Variants in NRCAM observed in about 807,000 individuals in gnomAD.
NRCAM encodes neuronal cell adhesion molecule, also known as NgCAM-related cell adhesion molecule.
A neutral mutation model predicts 156.5 loss-of-function variants in NRCAM; 83 were observed. The observed-to-expected ratio is 0.53, with a 90% CI of 0.44 to 0.64. The LOEUF is 0.64. Ranked by LOEUF, NRCAM falls within the 30% of genes least tolerant of loss-of-function variation. NRCAM has a pLI of 0.00. For synonymous variants in NRCAM, 538 were observed against 563.9 expected, an observed-to-expected ratio of 0.95 and a Z score of 0.65; for missense variants, 1,417 against 1,597.3, an observed-to-expected ratio of 0.89 and a Z score of 1.92.
In NRCAM at chr7:108,256,842, C is replaced by G. The variant is rs531977314; in HGVS notation, c.-106-16672G>C. On this transcript the variant is annotated intron_variant, in intron 3 of 32. Coordinates refer to ENST00000379028, the MANE Select transcript of NRCAM (RefSeq NM_001037132.4). Reference sequence around the variant, plus strand: ...ACCAGCCTGGCCAACACGGCAGAACCCAGTCTCTACTAAAAATACAGCCAG... The same window carrying G: ...ACCAGCCTGGCCAACACGGCAGAACGCAGTCTCTACTAAAAATACAGCCAG... Among the ~76,000 whole-genome samples, 10 of 151,742 alleles carry G rather than the reference C, an allele frequency of 6.6e-5. No homozygotes were observed. The South Asian group carries it at 2.1e-3, about 32-fold the overall frequency.
intron 4 of NRCAM, among the ~76,000 whole-genome samples, chr7:108,239,548 G>C (rs765356467): frequency 1.3e-5 from 2 of 152,112 alleles, no homozygotes; most frequent in Non-Finnish European, 1.5e-5. Flanking sequence ...GCATATGACG[G>C]GAAAGAGTAA....
chr7:108,425,208 G>T (rs1437280330), intron 1 of NRCAM, among the ~76,000 whole-genome samples: 2 of 152,104 alleles, frequency 1.3e-5, no homozygotes, highest in African/African-American at 4.8e-5. Context: ...ATATTAGTAA[G>T]ATTATAAGAA....
intron 1 of NRCAM, among the ~76,000 whole-genome samples, chr7:108,455,948 G>T (rs773457758): frequency 2.0e-5 from 3 of 152,212 alleles, no homozygotes; most frequent in Non-Finnish European, 2.9e-5. Flanking sequence ...GTTGGCCACA[G>T]GCTGGAGGGG....
At chr7:108,265,376 CTG>C (rs1437545723) in intron 3 of NRCAM, among the ~76,000 whole-genome samples, 1 of 152,192 alleles carries the variant, frequency 6.6e-6, no homozygotes, top group Non-Finnish European at 1.5e-5. Flanking sequence ...CAATGTCCCT[CTG>C]TGAGACATAG....
At chr7:108,386,449 C>A (rs1002572421) in intron 2 of NRCAM, among the ~76,000 whole-genome samples, 1 of 152,180 alleles carries the variant, frequency 6.6e-6, no homozygotes, top group Non-Finnish European at 1.5e-5. Context: ...AAGTTGCAGA[C>A]TTCCTGTTGT....
intron 2 of NRCAM, among the ~76,000 whole-genome samples, chr7:108,368,235 C>CCG (rs2099605703): frequency 1.1e-5 from 1 of 95,132 alleles, no homozygotes; most frequent in Admixed American, 1.3e-4. Context: ...CCCCCCCCCA[C>CCG]CCCCCCGCCT....
At position 108,299,149 on chromosome 7, in the gene NRCAM, T is replaced by C. The variant is rs1434637669; in HGVS notation, c.-107+13516A>G. Among the ~76,000 whole-genome samples, 5 of 80,174 alleles carry C rather than the reference T, an allele frequency of 6.2e-5. No individual in the cohort carries two copies. The East Asian group carries it at 2.0e-3, about 32-fold the overall frequency. 52.6% of individuals were successfully genotyped at this position (80,174 alleles called of 152,430 possible). On this transcript the variant is annotated intron_variant, in intron 3 of 32. Transcript: ENST00000379028. Reference sequence around the variant, plus strand: ...AAGAAAGAAAGAAAGAAAAGAAAAGTAAAAAAAAAAAAAACCCAAAACACT... The same window carrying C: ...AAGAAAGAAAGAAAGAAAAGAAAAGCAAAAAAAAAAAAAACCCAAAACACT...
Position 108,182,690 on chromosome 7 carries a change from C to T in NRCAM, c.2530+5G>A. Reference sequence around the variant, plus strand: ...TGGGGAAAAGTAGGAAATGGCATCACTTACGGTCTTCTCCAGAATGTCCCA... The same window carrying T: ...TGGGGAAAAGTAGGAAATGGCATCATTTACGGTCTTCTCCAGAATGTCCCA... On this transcript the variant is annotated splice_donor_5th_base_variant and intron_variant, in intron 23 of 32. Transcript: ENST00000379028. The T allele has an allele frequency of 6.2e-7, 1 of 1,613,440 alleles. No homozygotes were observed. Among genetic ancestry groups the T allele is most frequent in the Non-Finnish European group, 8.5e-7 (1 of 1,179,412 alleles).
intron 2 of NRCAM, among the ~76,000 whole-genome samples, chr7:108,366,570 CT>C (rs3216491): frequency 0.18 from 27,509 of 152,114 alleles, 3,364 homozygotes; most frequent in East Asian, 0.45. Flanking sequence ...CCAAGTTTTG[CT>C]TTCCCCACCT....
chr7:108,281,287 C>G (rs2154089886), intron 3 of NRCAM, among the ~76,000 whole-genome samples: 1 of 152,106 alleles, frequency 6.6e-6, no homozygotes, highest in East Asian at 1.9e-4. Flanking sequence ...TTTATAAATG[C>G]CTTTACTTTT....
chr7:108,241,295 A>G (rs1378984913), intron 3 of NRCAM, among the ~76,000 whole-genome samples: 1 of 152,182 alleles, frequency 6.6e-6, no homozygotes, highest in Non-Finnish European at 1.5e-5. Flanking sequence ...TGCCTTGCAT[A>G]TTGGAAGTGT....
intron 22 of NRCAM, among the ~76,000 whole-genome samples, chr7:108,183,846 A>G (rs553360145): frequency 7.0e-4 from 106 of 152,242 alleles, no homozygotes; most frequent in Middle Eastern, 6.8e-3. Flanking sequence ...GTTCTTTATG[A>G]TAACACTAGC....
chr7:108,183,535 G>C (rs1297131206), intron 22 of NRCAM, among the ~76,000 whole-genome samples: 1 of 149,984 alleles, frequency 6.7e-6, no homozygotes, highest in Admixed American at 6.6e-5. Flanking sequence ...CTTCCAGGTG[G>C]CTCTTTTTTT....
chr7:108,166,888 C>G, intron 30 of NRCAM, 33 bp downstream of exon 30: 2 of 1,605,986 alleles, frequency 1.2e-6, no homozygotes, highest in Non-Finnish European at 1.7e-6. Flanking sequence ...CACCTCTGAG[C>G]GGGAGCCAGA....
rs572934703 is a variant in NRCAM, at chr7:108,378,168, T to C, written c.-174+21268A>G. Among the ~76,000 whole-genome samples the C allele has an allele frequency of 1.6e-4, 25 of 152,224 alleles. 1 individual carries two copies. The East Asian group carries it at 4.6e-3, about 28-fold the overall frequency. On this transcript the variant is annotated intron_variant, in intron 2 of 32. Transcript: ENST00000379028. The stretch of plus-strand genomic sequence containing the variant: ...CACAGACCTGCCAAGACTTCCTATG[T>C]TGGAATACTAAAATCAAAATATAAA...
intron 32 of NRCAM, among the ~76,000 whole-genome samples, chr7:108,159,108 G>C (rs1198838690): frequency 6.6e-6 from 1 of 152,172 alleles, no homozygotes; most frequent in Non-Finnish European, 1.5e-5. Context: ...AAGATAACAA[G>C]TATAGCTTTC....
At chr7:108,234,533 G>T in intron 6 of NRCAM, 50 bp downstream of exon 6, 1 of 1,107,464 alleles carries the variant, frequency 9.0e-7, no homozygotes, top group Non-Finnish European at 1.4e-6. Flanking sequence ...TATTCAGAGA[G>T]ATTTCCTGAT....
intron 1 of NRCAM, among the ~76,000 whole-genome samples, chr7:108,405,468 G>A (rs1172369060): frequency 1.3e-5 from 2 of 152,198 alleles, no homozygotes; most frequent in Non-Finnish European, 2.9e-5. Flanking sequence ...AATCCCATAA[G>A]GTGGACATTA....
intron 32 of NRCAM, among the ~76,000 whole-genome samples, chr7:108,154,390 T>C (rs1333497824): frequency 2.0e-5 from 3 of 152,212 alleles, no homozygotes; most frequent in Non-Finnish European, 4.4e-5. Context: ...TAATTTTGTG[T>C]CGAGCAACAT....
Sources: gnomAD v4.1 joint callset for allele counts (sites outside exome capture counted in the v4.1 genomes callset) on GRCh38, gnomAD v4.1.1 for gene constraint, MANE v1.5 for transcripts, NCBI Gene and HGNC (gene_info 2026-07-23, HGNC 2026-07-21) for gene names.